SPIRE2: variants seen among roughly 807,000 people sequenced by gnomAD.
The protein encoded by SPIRE2 is spire type actin nucleation factor 2.
Under a neutral mutation model 80.7 loss-of-function variants are expected in SPIRE2, and 76 were observed. That is an observed-to-expected ratio of 0.94 (90% CI 0.78 to 1.14). The LOEUF (loss-of-function observed/expected upper bound fraction) is 1.14. Among genes scored for constraint, SPIRE2 ranks in the 50% most tolerant of loss-of-function variants. The probability of loss-of-function intolerance (pLI) is 0.00; values close to 1 mark genes in which losing one functional copy is unlikely to be tolerated. For missense variants in SPIRE2, 1,196 were observed against 1,015.3 expected (o/e 1.18, Z -2.42); for synonymous variants, 535 against 432.6 (o/e 1.24, Z -2.94).
rs1277418753 is a variant in SPIRE2 at position 89,870,918 on chromosome 16, T to C, written c.*646T>C. 6.5e-6 allele frequency: 1 copy of C among 152,768 alleles called. No homozygotes were observed. The highest frequency in any genetic ancestry group is 2.4e-5 in the African/African-American group (1 of 41,416). 9.5% of individuals were successfully genotyped at this position (152,768 alleles called of 1,614,324 possible). ...CTGGCCAACATGATGAAATGTTGTCTCTACTGAAAATGCAAAAATTAGCCA... is the reference window on the plus strand; with the variant it reads ...CTGGCCAACATGATGAAATGTTGTCCCTACTGAAAATGCAAAAATTAGCCA... On this transcript the variant is annotated 3_prime_UTR_variant, in exon 15 of 15. Coordinates refer to ENST00000378247, the MANE Select transcript of SPIRE2 (RefSeq NM_032451.2).
intron 1 of SPIRE2, among the ~76,000 whole-genome samples, chr16:89,835,010 G>A (rs2041432047): frequency 1.3e-5 from 2 of 149,340 alleles, no homozygotes; most frequent in South Asian, 4.3e-4. Context: ...GAACCTGCCC[G>A]CACTCGCGGT....
At chr16:89,831,763 T>A (rs951309069) in intron 1 of SPIRE2, among the ~76,000 whole-genome samples, 1 of 151,110 alleles carries the variant, frequency 6.6e-6, no homozygotes, top group African/African-American at 2.4e-5. Context: ...TTGCTGGTCC[T>A]CCAGGTATCC....
chr16:89,830,811 G>A (rs568882895), intron 1 of SPIRE2, among the ~76,000 whole-genome samples: 2 of 150,586 alleles, frequency 1.3e-5, no homozygotes, highest in South Asian at 2.1e-4. Context: ...TAGCACACAA[G>A]TAGTAATACT....
chr16:89,843,677 T>G (rs2058138), intron 1 of SPIRE2, among the ~76,000 whole-genome samples: 1,779 of 25,518 alleles, frequency 0.07, 39 homozygotes, highest in African/African-American at 0.21. Context: ...GTTTTTTTTT[T>G]TTTGTTTGTT....
At chr16:89,841,854 G>A (rs749860918) in intron 1 of SPIRE2, among the ~76,000 whole-genome samples, 1 of 151,168 alleles carries the variant, frequency 6.6e-6, no homozygotes, top group Admixed American at 6.6e-5. Flanking sequence ...TGTTCCTCCC[G>A]AGTAGCTGGG....
At chr16:89,849,014 G>A (rs577740785) in intron 2 of SPIRE2, among the ~76,000 whole-genome samples, 19 of 152,142 alleles carry the variant, frequency 1.2e-4, no homozygotes, top group Non-Finnish European at 1.9e-4. Context: ...CTTCTGTGGC[G>A]TTTCTGCAGG....
At chr16:89,831,791 C>G (rs1050822910) in intron 1 of SPIRE2, among the ~76,000 whole-genome samples, 21 of 151,232 alleles carry the variant, frequency 1.4e-4, no homozygotes, top group African/African-American at 4.8e-4. Flanking sequence ...TTTCTCCTGC[C>G]CCTCCCCCTT....
chr16:89,857,604 C>T (rs1234336020), intron 7 of SPIRE2, among the ~76,000 whole-genome samples: 2 of 151,116 alleles, frequency 1.3e-5, no homozygotes, highest in Admixed American at 6.6e-5. Flanking sequence ...GAGTTTCGCC[C>T]TTTTTGCCCA....
At chr16:89,842,207 A>ACTTTTTTTTTTT (rs1598220558) in intron 1 of SPIRE2, among the ~76,000 whole-genome samples, 1 of 82,092 alleles carries the variant, frequency 1.2e-5, no homozygotes, top group African/African-American at 6.7e-5. Context: ...ATGAACACGT[A>ACTTTTTTTTTTT]ATTTTTTTTT....
chr16:89,842,856 C>G (rs2041517724), intron 1 of SPIRE2, among the ~76,000 whole-genome samples: 1 of 152,230 alleles, frequency 6.6e-6, no homozygotes, highest in South Asian at 2.1e-4. Context: ...ACACATTGTT[C>G]TATGAACTCC....
Position 89,848,811 on chromosome 16 carries a change from G to A in SPIRE2, c.289-1493G>A, listed in dbSNP as rs1264873938. Among the ~76,000 whole-genome samples, 4 of 150,304 alleles carry A rather than the reference G, an allele frequency of 2.7e-5. 1 individual carries two copies. In the South Asian group the frequency reaches 6.3e-4, roughly 24 times the overall value. On this transcript the variant is annotated intron_variant, in intron 2 of 14. Transcript: ENST00000378247. Reference sequence around the variant, plus strand: ...TCTGTGGTGTTTCTGCAGGACAGACGAGGCAGGTTCCAGGGCCTTCTGCGG... The same window carrying A: ...TCTGTGGTGTTTCTGCAGGACAGACAAGGCAGGTTCCAGGGCCTTCTGCGG...
chr16:89,850,608 T>C lies in SPIRE2; in HGVS notation c.593T>C (p.Val198Ala). ...CAGGCCGTGTGCCGCGCGCTCTTCGTGGAGACGCTGGAGCTGCGGGCCTTC... is the reference window on the plus strand; with the variant it reads ...CAGGCCGTGTGCCGCGCGCTCTTCGCGGAGACGCTGGAGCTGCGGGCCTTC... ...HYQAVCRALF[V>A]ETLELRAFLA... The change falls in exon 3 of 15, where the codon GTG becomes GCG. Residue 198 changes from valine (V) to alanine (A), a missense_variant. Physicochemically the swap from Val to Ala is moderately conservative, Grantham distance 64. Transcript: ENST00000378247. 6.6e-7 allele frequency: 1 copy of C among 1,516,414 alleles called. No individual in the cohort carries two copies. 93.9% of individuals were successfully genotyped at this position (1,516,414 alleles called of 1,614,324 possible). A position where few individuals can be genotyped will look rare whatever the true frequency, so the allele number is the denominator to read the frequency against.
intron 1 of SPIRE2, among the ~76,000 whole-genome samples, chr16:89,834,897 G>A (rs942562165): frequency 2.0e-5 from 3 of 146,650 alleles, no homozygotes; most frequent in Non-Finnish European, 3.0e-5. Flanking sequence ...GCTGGCCGTC[G>A]TAGAAGGCCC....
rs1333860176 is a variant in SPIRE2 at position 89,854,571 on chromosome 16, C to G, written c.811C>G (p.Pro271Ala). 1 of 1,612,480 alleles carries G rather than the reference C, an allele frequency of 6.2e-7. No homozygotes were observed. Among genetic ancestry groups the G allele is most frequent in the Non-Finnish European group, 8.5e-7 (1 of 1,179,834 alleles). Residue 271 changes from proline to alanine, a missense_variant, in exon 5 of 15, where the codon CCC (proline) becomes GCC (alanine). Transcript: ENST00000378247. ...KVQEQEFNPLPTEFQLTPFEM... is the reference protein window; with the variant it reads ...KVQEQEFNPLATEFQLTPFEM... ...GCAAGAGCAGGAGTTCAACCCCCTC[C>G]CCACCGAGTTCCAGCTCACGCCCTT...
At chr16:89,839,507 C>G (rs975265403) in intron 1 of SPIRE2, among the ~76,000 whole-genome samples, 1 of 152,064 alleles carries the variant, frequency 6.6e-6, no homozygotes. Flanking sequence ...TGGGCTGTTG[C>G]TAGTTCGTGG....
At chr16:89,850,802 C>T (rs1359786539) in intron 3 of SPIRE2, 142 bp downstream of exon 3, 2 of 599,378 alleles carry the variant, frequency 3.3e-6, no homozygotes, top group East Asian at 3.2e-5. Context: ...TATGTATTCC[C>T]ACTTAATCCT....
At position 89,869,045 on chromosome 16, in the gene SPIRE2, A is replaced by ACATAT. The variant is rs1185522189; in HGVS notation, c.1807-522_1807-521insCATAT. On this transcript the variant is annotated intron_variant, in intron 13 of 14. Coordinates refer to ENST00000378247, the MANE Select transcript of SPIRE2 (RefSeq NM_032451.2). ...GATCTGTGTCTTAAAAAAAAAAAAA[A>ACATAT]AAAAAAAAATATATATATATATATA... Among the ~76,000 whole-genome samples, 33 of 37,172 alleles carry ACATAT rather than the reference A, an allele frequency of 8.9e-4. 5 individuals carry two copies. The East Asian group carries it at 0.038, about 42-fold the overall frequency. 24.4% of individuals were successfully genotyped at this position (37,172 alleles called of 152,430 possible). A position where few individuals can be genotyped will look rare whatever the true frequency, so the allele number is the denominator to read the frequency against.
At chr16:89,857,079 AAT>A (rs1239840387) in intron 7 of SPIRE2, among the ~76,000 whole-genome samples, 2 of 151,684 alleles carry the variant, frequency 1.3e-5, no homozygotes, top group Admixed American at 6.6e-5. Flanking sequence ...AAAAAAAAAA[AAT>A]CACTTTTTAT....
chr16:89,830,502 C>T (rs2041368884), intron 1 of SPIRE2, among the ~76,000 whole-genome samples: 1 of 151,280 alleles, frequency 6.6e-6, no homozygotes, highest in African/African-American at 2.4e-5. Flanking sequence ...GACATCAGGC[C>T]AGCTGTCTCC....
Sources: gnomAD v4.1 joint callset for allele counts (sites outside exome capture counted in the v4.1 genomes callset) on GRCh38, gnomAD v4.1.1 for gene constraint, MANE v1.5 for transcripts, NCBI Gene and HGNC (gene_info 2026-07-23, HGNC 2026-07-21) for gene names.